Variants in AUTS2 observed in about 807,000 individuals in gnomAD.
The protein encoded by AUTS2 is autism susceptibility gene 2 protein.
In AUTS2, 17 loss-of-function variants were observed where a neutral mutation model predicts 112.4. That is an observed-to-expected ratio of 0.15 (90% confidence interval 0.10 to 0.23). AUTS2 has a LOEUF of 0.23. AUTS2 is among the 10% of genes least tolerant of loss of function. The probability of loss-of-function intolerance (pLI) is 1.00; values close to 1 mark genes in which losing one functional copy is unlikely to be tolerated. For synonymous variants in AUTS2, 751 were observed against 702.7 expected, an observed-to-expected ratio of 1.07 and a Z score of -1.09; for missense variants, 1,510 against 1,701.6, an observed-to-expected ratio of 0.89 and a Z score of 1.98.
chr7:69,843,907 C>A (rs1044358602), intron 1 of AUTS2, among the ~76,000 whole-genome samples: 8 of 152,184 alleles, frequency 5.3e-5, no homozygotes, highest in African/African-American at 1.9e-4. Context: ...TGAATACAAT[C>A]TTCTTTTTAC....
chr7:69,940,266 G>T (rs1796573750), intron 2 of AUTS2, among the ~76,000 whole-genome samples: 1 of 152,190 alleles, frequency 6.6e-6, no homozygotes, highest in South Asian at 2.1e-4. Context: ...ATCCTCTGAA[G>T]TATGGTGAGT....
At chr7:70,699,202 T>A (rs1218532010) in intron 6 of AUTS2, 1 of 119,606 alleles carries the variant, frequency 8.4e-6, no homozygotes, top group African/African-American at 3.0e-5. Flanking sequence ...TCATTGCCAG[T>A]AGGTTTCTGC....
rs1491333935 is a variant in AUTS2, at chr7:69,778,247, T to TATA, written c.310-121039_310-121038insATA. Among the ~76,000 whole-genome samples, 104 of 38,532 alleles carry TATA rather than the reference T, an allele frequency of 2.7e-3. 1 individual carries two copies. Among genetic ancestry groups the TATA allele is most frequent in the Middle Eastern group, 0.012 (1 of 84 alleles). The allele number at this position is 38,532 out of a possible 152,430, so 25.3% of individuals were successfully genotyped here. ...ATCCCCATATATATATATATATATA[T>TATA]TTTTTTTTTTTTTTACTCATTTGGT... On this transcript the variant is annotated intron_variant, in intron 1 of 18. Transcript: ENST00000342771.
chr7:70,634,053 A>G (rs1478550283), intron 5 of AUTS2, among the ~76,000 whole-genome samples: 1 of 138,460 alleles, frequency 7.2e-6, no homozygotes, highest in Non-Finnish European at 1.6e-5. Flanking sequence ...CTAGATCCAT[A>G]TCATCAGTGC....
At chr7:70,309,035 G>T (rs1322231797) in intron 4 of AUTS2, among the ~76,000 whole-genome samples, 1 of 152,160 alleles carries the variant, frequency 6.6e-6, no homozygotes, top group African/African-American at 2.4e-5. Flanking sequence ...AAAGGCAAGT[G>T]GTTGTATGGT....
rs1787691615 is a variant in AUTS2 at position 70,734,898 on chromosome 7, C to T, written c.743-27972C>T. Among the ~76,000 whole-genome samples, 3 of 151,692 alleles carry T rather than the reference C, an allele frequency of 2.0e-5. No individual in the cohort carries two copies. The South Asian group carries it at 6.2e-4, about 32-fold the overall frequency. On this transcript the variant is annotated intron_variant, in intron 6 of 18. Transcript: ENST00000342771. ...CCTAATAGTTATCAAAACTGAAATT[C>T]AGTATAGCAGTGTTGAAGGTGAAAG...
intron 1 of AUTS2, among the ~76,000 whole-genome samples, chr7:69,865,965 C>T (rs959842249): frequency 6.6e-6 from 1 of 152,138 alleles, no homozygotes; most frequent in Admixed American, 6.5e-5. Flanking sequence ...AAATTGTATT[C>T]ATGTTTGTAG....
intron 1 of AUTS2, among the ~76,000 whole-genome samples, chr7:69,796,399 T>A (rs983899995): frequency 1.3e-5 from 2 of 152,132 alleles, no homozygotes; most frequent in African/African-American, 4.8e-5. Context: ...GGTACCCACC[T>A]GTAGTCCCAG....
At chr7:69,766,615 G>T (rs1788433657) in intron 1 of AUTS2, among the ~76,000 whole-genome samples, 1 of 152,170 alleles carries the variant, frequency 6.6e-6, no homozygotes, top group Non-Finnish European at 1.5e-5. Flanking sequence ...GTTGTCCCTA[G>T]GTAAGTGAAG....
At chr7:70,318,521 A>G (rs902252934) in intron 4 of AUTS2, among the ~76,000 whole-genome samples, 2 of 152,166 alleles carry the variant, frequency 1.3e-5, no homozygotes, top group Non-Finnish European at 2.9e-5. Context: ...TCAGAAGGAA[A>G]GGCATGTTAA....
chr7:69,778,227 C>CAG (rs1554368093), intron 1 of AUTS2, among the ~76,000 whole-genome samples: 4 of 139,030 alleles, frequency 2.9e-5, no homozygotes, highest in Admixed American at 7.1e-5. Context: ...GCCTTATCCC[C>CAG]ATATATATAT....
intron 2 of AUTS2, among the ~76,000 whole-genome samples, chr7:70,045,012 C>T (rs1801437416): frequency 6.6e-6 from 1 of 151,464 alleles, no homozygotes; most frequent in Admixed American, 6.6e-5. Context: ...GAGACTGGAC[C>T]TACTGAAAGT....
chr7:70,110,179 T>G (rs1396571392), intron 2 of AUTS2, among the ~76,000 whole-genome samples: 1 of 152,214 alleles, frequency 6.6e-6, no homozygotes, highest in African/African-American at 2.4e-5. Flanking sequence ...TATTTATGTT[T>G]GAGACTATAT....
At chr7:69,780,203 A>T (rs1789087555) in intron 1 of AUTS2, among the ~76,000 whole-genome samples, 1 of 152,206 alleles carries the variant, frequency 6.6e-6, no homozygotes, top group South Asian at 2.1e-4. Context: ...TGGCCATATC[A>T]GATTTTAGTT....
At chr7:70,037,497 T>C (rs1264881785) in intron 2 of AUTS2, among the ~76,000 whole-genome samples, 2 of 152,212 alleles carry the variant, frequency 1.3e-5, no homozygotes, top group Non-Finnish European at 2.9e-5. Context: ...AACATCATGT[T>C]GTACACCTTA....
intron 2 of AUTS2, among the ~76,000 whole-genome samples, chr7:69,982,888 T>C (rs1798354691): frequency 6.6e-6 from 1 of 152,214 alleles, no homozygotes; most frequent in Non-Finnish European, 1.5e-5. Flanking sequence ...AGATGACTTT[T>C]AAATATTTGG....
intron 4 of AUTS2, among the ~76,000 whole-genome samples, chr7:70,143,675 G>A (rs142558634): frequency 2.0e-5 from 3 of 152,240 alleles, no homozygotes; most frequent in Admixed American, 6.5e-5. Context: ...CTCCATTGGC[G>A]ACTCCCTGGT....
chr7:70,501,334 G>GT (rs1478328888), intron 5 of AUTS2, among the ~76,000 whole-genome samples: 3 of 152,172 alleles, frequency 2.0e-5, no homozygotes, highest in Non-Finnish European at 2.9e-5. Context: ...CTCTAGAACT[G>GT]TGAGTCCTTG....
chr7:70,238,018 A>G (rs1001725087), intron 4 of AUTS2, among the ~76,000 whole-genome samples: 2 of 152,204 alleles, frequency 1.3e-5, no homozygotes, highest in Admixed American at 1.3e-4. Context: ...CCCAAAGAGA[A>G]CTTATTAAAA....
Sources: gnomAD v4.1 joint callset for allele counts (sites outside exome capture counted in the v4.1 genomes callset) on GRCh38, gnomAD v4.1.1 for gene constraint, MANE v1.5 for transcripts, NCBI Gene and HGNC (gene_info 2026-07-23, HGNC 2026-07-21) for gene names.